PTPRT: variants seen among roughly 807,000 people sequenced by gnomAD.
The protein encoded by PTPRT is protein tyrosine phosphatase receptor type T.
PTPRT carries 56 observed loss-of-function variants against 176.8 expected under a neutral mutation model. The observed-to-expected ratio is 0.32, with a 90% CI of 0.26 to 0.40. The LOEUF (loss-of-function observed/expected upper bound fraction) is 0.40, where lower values mean the gene tolerates loss of function less well. Ranked by LOEUF, PTPRT falls within the 10% of genes least tolerant of loss-of-function variation. The pLI is 1.00. For synonymous variants in PTPRT, 783 were observed against 739.0 expected (o/e 1.06, Z -0.96); for missense variants, 1,540 against 1,908.2 (o/e 0.81, Z 3.60).
the PTPRT span, among the ~76,000 whole-genome samples, chr20:42,055,631 CACTCT>C: frequency 6.6e-6 from 1 of 152,156 alleles, no homozygotes; most frequent in South Asian, 2.1e-4. Flanking sequence ...TACACTGACA[CACTCT>C]TATTTCCTCT....
At chr20:42,454,993 T>A (rs955512301) in intron 8 of PTPRT, among the ~76,000 whole-genome samples, 10 of 152,212 alleles carry the variant, frequency 6.6e-5, no homozygotes, top group Admixed American at 6.5e-4. Context: ...TGGATGAACA[T>A]CCCAGTTTCC....
At chr20:42,096,423 T>G (rs1427016222) in intron 27 of PTPRT, among the ~76,000 whole-genome samples, 1 of 152,040 alleles carries the variant, frequency 6.6e-6, no homozygotes, top group Non-Finnish European at 1.5e-5. Context: ...GCCAATATGG[T>G]GAAACCCCAT....
At chr20:42,797,029 A>G (rs2077464377) in intron 2 of PTPRT, among the ~76,000 whole-genome samples, 1 of 152,214 alleles carries the variant, frequency 6.6e-6, no homozygotes, top group Non-Finnish European at 1.5e-5. Context: ...TAGGTCCTCA[A>G]AAACAGCTTC....
At chr20:42,674,244 G>C (rs569869818) in intron 7 of PTPRT, among the ~76,000 whole-genome samples, 120 of 152,298 alleles carry the variant, frequency 7.9e-4, no homozygotes, top group Non-Finnish European at 1.2e-3. Context: ...TTTGTAAAAT[G>C]TGAATTATTC....
intron 6 of PTPRT, among the ~76,000 whole-genome samples, chr20:42,731,477 T>C (rs1374263421): frequency 6.6e-6 from 1 of 152,186 alleles, no homozygotes; most frequent in Non-Finnish European, 1.5e-5. Context: ...ACTACCCATG[T>C]ACAGCCGCTA....
At chr20:42,154,005 C>A (rs979614662) in intron 17 of PTPRT, among the ~76,000 whole-genome samples, 1 of 152,142 alleles carries the variant, frequency 6.6e-6, no homozygotes, top group African/African-American at 2.4e-5. Context: ...GGCCTATTGT[C>A]TTTTTTCAAT....
intron 12 of PTPRT, among the ~76,000 whole-genome samples, chr20:42,314,607 T>C (rs2057689035): frequency 6.6e-6 from 1 of 150,898 alleles, no homozygotes; most frequent in Non-Finnish European, 1.5e-5. Flanking sequence ...AAATACAAAC[T>C]TGTGTAATAA....
At chr20:42,203,319 C>T (rs1001579913) in intron 15 of PTPRT, among the ~76,000 whole-genome samples, 15 of 152,332 alleles carry the variant, frequency 9.8e-5, no homozygotes, top group African/African-American at 3.6e-4. Context: ...TTTACTACCT[C>T]ATTATTTTTC....
chr20:42,410,245 G>T (rs1321328689), intron 9 of PTPRT, among the ~76,000 whole-genome samples: 1 of 151,848 alleles, frequency 6.6e-6, no homozygotes, highest in East Asian at 1.9e-4. Flanking sequence ...AAGTAACAAA[G>T]GAGTAGGTTT....
chr20:42,049,678 C>A, the PTPRT span, among the ~76,000 whole-genome samples: 1 of 152,320 alleles, frequency 6.6e-6, no homozygotes, highest in Admixed American at 6.5e-5. Context: ...CACCACCATG[C>A]AGTGAGCTTG....
chr20:42,888,836 A>G (rs2079145825), intron 1 of PTPRT, among the ~76,000 whole-genome samples: 1 of 152,204 alleles, frequency 6.6e-6, no homozygotes, highest in African/African-American at 2.4e-5. Context: ...TGCAGAATAG[A>G]GTGAAAGGTA....
At chr20:42,345,745 A>G (rs1164287710) in intron 11 of PTPRT, among the ~76,000 whole-genome samples, 1 of 151,218 alleles carries the variant, frequency 6.6e-6, no homozygotes, top group Non-Finnish European at 1.5e-5. Flanking sequence ...AAAACAAAAA[A>G]TATATATATA....
intron 2 of PTPRT, among the ~76,000 whole-genome samples, chr20:42,830,800 C>T (rs1006203348): frequency 6.6e-6 from 1 of 152,046 alleles, no homozygotes; most frequent in Non-Finnish European, 1.5e-5. Context: ...ACAATTGCCA[C>T]AAAAAGAATA....
chr20:43,086,807 G>C (rs1246722965), intron 1 of PTPRT, among the ~76,000 whole-genome samples: 1 of 152,108 alleles, frequency 6.6e-6, no homozygotes, highest in African/African-American at 2.4e-5. Context: ...GGGCTGGGAG[G>C]GAAGAATTGC....
At chr20:42,328,406 C>T (rs2145425370) in intron 11 of PTPRT, among the ~76,000 whole-genome samples, 1 of 152,176 alleles carries the variant, frequency 6.6e-6, no homozygotes, top group African/African-American at 2.4e-5. Context: ...AGAGGAAAAG[C>T]ATCTCAAATT....
At chr20:43,134,210 T>C (rs1383540263) in intron 1 of PTPRT, among the ~76,000 whole-genome samples, 1 of 152,198 alleles carries the variant, frequency 6.6e-6, no homozygotes, top group Non-Finnish European at 1.5e-5. Flanking sequence ...ATAGATCAGT[T>C]TAATTTATTT....
chr20:43,030,735 G>C, intron 1 of PTPRT, among the ~76,000 whole-genome samples: 1 of 152,178 alleles, frequency 6.6e-6, no homozygotes, highest in Non-Finnish European at 1.5e-5. Flanking sequence ...TGGTCTTCCT[G>C]CCACAGGAGG....
intron 12 of PTPRT, among the ~76,000 whole-genome samples, chr20:42,287,603 T>C (rs2057251748): frequency 1.3e-5 from 2 of 151,770 alleles, no homozygotes; most frequent in South Asian, 4.1e-4. Context: ...GGGAAAGATT[T>C]GTTGAAGGAT....
At chr20:42,035,796 C>G in the PTPRT span, among the ~76,000 whole-genome samples, 1 of 152,220 alleles carries the variant, frequency 6.6e-6, no homozygotes, top group African/African-American at 2.4e-5. Flanking sequence ...CTGGCAGGAG[C>G]TCCCAGAATG....
Sources: allele counts gnomAD v4.1 joint callset (sites outside exome capture counted in the v4.1 genomes callset), GRCh38; gene constraint gnomAD v4.1.1; transcripts MANE v1.5; gene names NCBI Gene and HGNC (gene_info 2026-07-23, HGNC 2026-07-21).